The following DOP1B variants were observed in gnomAD, a reference collection of about 807,000 sequenced individuals.
DOP1B encodes the protein protein DOP1B.
Under a neutral mutation model 233.5 loss-of-function variants are expected in DOP1B, and 174 were observed. The observed-to-expected ratio is 0.75, with a 90% confidence interval of 0.66 to 0.85. The LOEUF is 0.85. Ranked by LOEUF, DOP1B falls within the 40% of genes least tolerant of loss-of-function variation. DOP1B has a pLI of 0.00. For synonymous variants in DOP1B, 1,190 were observed against 1,185.6 expected, an observed-to-expected ratio of 1.00 and a Z score of -0.08; for missense variants, 2,652 against 2,846.6, an observed-to-expected ratio of 0.93 and a Z score of 1.56.
At chr21:36,186,924 G>A (rs1176471414) in intron 2 of DOP1B, among the ~76,000 whole-genome samples, 4 of 152,092 alleles carry the variant, frequency 2.6e-5, no homozygotes, top group Non-Finnish European at 5.9e-5. Flanking sequence ...CTCAGAGCCT[G>A]GCCTCTGTCA....
rs1280885097 is a variant in DOP1B, at chr21:36,281,557, G to T, written c.6106G>T (p.Ala2036Ser). The change falls in exon 32 of 37, where the codon GCT becomes TCT. Residue 2036 changes from alanine to serine, a missense_variant. Around this residue, in one of 3 missense-constraint regions of DOP1B, gnomAD observed 2,617 missense variants for 2,794.3 expected, o/e 0.94. Transcript: ENST00000691173. Reference sequence around the variant, plus strand: ...CATGCTGTTAAAGCGCCAGGCTTTTGCTGTCTTCAGTGGAGAACTTGATCA... The same window carrying T: ...CATGCTGTTAAAGCGCCAGGCTTTTTCTGTCTTCAGTGGAGAACTTGATCA... ...KAMLLKRQAF[A>S]VFSGELDQYH... 2 of 1,609,860 alleles carry T rather than the reference G, an allele frequency of 1.2e-6. No homozygotes were observed. Among genetic ancestry groups the T allele is most frequent in the Non-Finnish European group, 1.7e-6 (2 of 1,176,548 alleles).
At chr21:36,182,224 C>T (rs2242815) in intron 2 of DOP1B, among the ~76,000 whole-genome samples, 64,061 of 151,854 alleles carry the variant, frequency 0.42, 15,135 homozygotes, top group African/African-American at 0.66. Flanking sequence ...GAGATTGGGG[C>T]AGATGCACTG....
chr21:36,241,809 G>A (rs1024896090), intron 18 of DOP1B, among the ~76,000 whole-genome samples: 3 of 150,168 alleles, frequency 2.0e-5, no homozygotes, highest in African/African-American at 7.4e-5. Flanking sequence ...CTAAATTGCT[G>A]GGATTACAGG....
chr21:36,195,373 AC>A (rs1342643690), intron 2 of DOP1B, among the ~76,000 whole-genome samples: 1 of 134,890 alleles, frequency 7.4e-6, no homozygotes, highest in Non-Finnish European at 1.6e-5. Context: ...TCCCCCCAAA[AC>A]AAAAAAAAAA....
intron 9 of DOP1B, among the ~76,000 whole-genome samples, chr21:36,217,625 C>T (rs186894883): frequency 2.0e-5 from 3 of 152,258 alleles, no homozygotes; most frequent in Admixed American, 6.5e-5. Context: ...AACGAAAGTC[C>T]AAGTATGAAG....
At chr21:36,211,431 G>T (rs1285128284) in intron 5 of DOP1B, 122 bp from the exon 6 acceptor site, 2 of 846,360 alleles carry the variant, frequency 2.4e-6, no homozygotes, top group Admixed American at 2.3e-5. Context: ...CTGACCTGTG[G>T]CTGCTGGTTC....
rs1395280068 is a variant in DOP1B at position 36,263,736 on chromosome 21, G to A, written c.5421-12G>A. ...CAGCATTTTTAATCTGAAGCTGATTGTCTCCCAACAGCATGCTGAATGACT... is the reference window on the plus strand; with the variant it reads ...CAGCATTTTTAATCTGAAGCTGATTATCTCCCAACAGCATGCTGAATGACT... On this transcript the variant is annotated splice_polypyrimidine_tract_variant and intron_variant, in intron 25 of 36. Transcript: ENST00000691173. 6 of 1,614,100 alleles carry A rather than the reference G, an allele frequency of 3.7e-6. No individual in the cohort carries two copies. The Admixed American group carries it at 5.0e-5, about 13-fold the overall frequency.
At chr21:36,191,166 A>G (rs1011076169) in intron 2 of DOP1B, among the ~76,000 whole-genome samples, 1 of 152,038 alleles carries the variant, frequency 6.6e-6, no homozygotes, top group East Asian at 1.9e-4. Flanking sequence ...GACATTGCCA[A>G]ATGGGAGCGG....
intron 1 of DOP1B, among the ~76,000 whole-genome samples, chr21:36,164,190 A>G (rs2065889520): frequency 6.6e-6 from 1 of 152,184 alleles, no homozygotes; most frequent in African/African-American, 2.4e-5. Flanking sequence ...ATGGTGATAC[A>G]TCCCAATAGT....
intron 29 of DOP1B, 46 bp from the exon 30 acceptor site, chr21:36,278,163 G>A: frequency 6.2e-7 from 1 of 1,613,556 alleles, no homozygotes; most frequent in South Asian, 1.1e-5. Context: ...AGTTTTCCTT[G>A]GACAGTCCTT....
chr21:36,209,275 C>G (rs547450866), intron 5 of DOP1B, among the ~76,000 whole-genome samples: 1 of 152,192 alleles, frequency 6.6e-6, no homozygotes, highest in Non-Finnish European at 1.5e-5. Flanking sequence ...GCACCCACCA[C>G]CATGCCCGGC....
At chr21:36,286,647 C>G (rs1236865379) in intron 32 of DOP1B, among the ~76,000 whole-genome samples, 12 of 72,856 alleles carry the variant, frequency 1.6e-4, no homozygotes, top group African/African-American at 8.7e-4. Flanking sequence ...AAAACACACA[C>G]ACACACACAC....
chr21:36,246,058 G>T lies in DOP1B; in HGVS notation c.4078G>T (p.Val1360Phe). ...EVLIRIMMQL[V>F]SVAKSSEGKN... ...TTTGATCAGGATAATGATGCAGCTGGTCTCAGTGGCCAAGTCTTCGGAAGG... is the reference window on the plus strand; with the variant it reads ...TTTGATCAGGATAATGATGCAGCTGTTCTCAGTGGCCAAGTCTTCGGAAGG... The change falls in exon 19 of 37, where the codon GTC (valine) becomes TTC (phenylalanine). Residue 1360 changes from valine (V) to phenylalanine (F), a missense_variant. By Grantham distance (50) the Val-to-Phe change is conservative. This residue lies in a region of DOP1B where 2,617 missense variants were observed against 2,794.3 expected (regional missense o/e 0.94). Transcript: ENST00000691173. This position sits in a 1 kb window ranked among gnomAD's most constrained non-coding sequence, Gnocchi z 5.1. 1 of 1,614,088 alleles carries T rather than the reference G, an allele frequency of 6.2e-7. No homozygotes were observed. Among genetic ancestry groups the T allele is most frequent in the African/African-American group, 1.3e-5 (1 of 75,016 alleles).
chr21:36,226,238 A>T (rs983591149), intron 12 of DOP1B, among the ~76,000 whole-genome samples: 1 of 152,022 alleles, frequency 6.6e-6, no homozygotes, highest in Non-Finnish European at 1.5e-5. Context: ...GCATAACATG[A>T]TCCAGTCTCA....
chr21:36,189,370 GAAAT>G (rs942794954), intron 2 of DOP1B, among the ~76,000 whole-genome samples: 4 of 152,212 alleles, frequency 2.6e-5, no homozygotes, highest in Non-Finnish European at 5.9e-5. Context: ...GTTCCTGAGT[GAAAT>G]AAATAAGAAA....
intron 15 of DOP1B, among the ~76,000 whole-genome samples, chr21:36,236,817 C>A (rs1182271415): frequency 1.4e-4 from 19 of 132,400 alleles, no homozygotes; most frequent in African/African-American, 5.1e-4. Flanking sequence ...CACTCTATTG[C>A]CCAGGCTGGA....
At chr21:36,193,666 T>C (rs1298287185) in intron 2 of DOP1B, among the ~76,000 whole-genome samples, 4 of 152,174 alleles carry the variant, frequency 2.6e-5, no homozygotes, top group East Asian at 1.9e-4. Context: ...AAAAATGTGC[T>C]GTCCCTCTTG....
intron 23 of DOP1B, among the ~76,000 whole-genome samples, chr21:36,258,116 T>A (rs1207993673): frequency 6.6e-6 from 1 of 152,116 alleles, no homozygotes; most frequent in Non-Finnish European, 1.5e-5. Context: ...TAGATAGATA[T>A]TATGATTTTA....
chr21:36,239,060 G>C (rs536161085), intron 17 of DOP1B, among the ~76,000 whole-genome samples: 1 of 152,066 alleles, frequency 6.6e-6, no homozygotes, highest in Non-Finnish European at 1.5e-5. Context: ...CCGAGACTGC[G>C]CCACTCCACT....
Sources: gnomAD v4.1 joint callset for allele counts (sites outside exome capture counted in the v4.1 genomes callset) on GRCh38, gnomAD v4.1.1 for gene constraint, gnomAD v4.1.1 regional missense constraint, Gnocchi (gnomAD v3.1) non-coding constraint, MANE v1.5 for transcripts, NCBI Gene and HGNC (gene_info 2026-07-23, HGNC 2026-07-21) for gene names.